MYOM2: variants seen among roughly 807,000 people sequenced by gnomAD.
MYOM2 encodes the protein myomesin 2, also known as myomesin-2.
In MYOM2, 254 loss-of-function variants were observed where a neutral mutation model predicts 187.6. The ratio of observed to expected loss-of-function variants is 1.35; its 90% CI spans 1.22 to 1.50. The LOEUF (loss-of-function observed/expected upper bound fraction) is 1.50, where lower values mean the gene tolerates loss of function less well. Ranked by LOEUF, MYOM2 falls within the 40% of genes most tolerant of loss-of-function variation. The pLI is 0.00. For missense variants in MYOM2, 2,796 were observed against 1,924.0 expected (o/e 1.45, Z -8.48); for synonymous variants, 981 against 753.8 (o/e 1.30, Z -4.94).
At chr8:2,140,241 C>T (rs969304351) in intron 32 of MYOM2, among the ~76,000 whole-genome samples, 1 of 152,186 alleles carries the variant, frequency 6.6e-6, no homozygotes, top group African/African-American at 2.4e-5. Context: ...GGATTTCCCT[C>T]ATGTATTTAT....
At chr8:2,048,166 G>C (rs1042891467) in intron 1 of MYOM2, among the ~76,000 whole-genome samples, 24 of 152,230 alleles carry the variant, frequency 1.6e-4, no homozygotes, top group Non-Finnish European at 1.5e-5. Flanking sequence ...TGACACATGA[G>C]CCCCTGCTGC....
Position 2,109,440 on chromosome 8 carries a change from G to T in MYOM2, c.3089G>T (p.Gly1030Val), listed in dbSNP as rs1343581637. 6.2e-7 allele frequency: 1 copy of T among 1,612,328 alleles called. No individual in the cohort carries two copies. Among genetic ancestry groups the T allele is most frequent in the African/African-American group, 1.3e-5 (1 of 74,860 alleles). ...TTAGCTTATGAGATTTTTGATAAGG[G>T]GCGGGTTCGCTTCTGGCTCCAGGCT... is the stretch of plus-strand genomic sequence containing the variant. ...SELAYEIFDKGRVRFWLQAEH... is the reference protein window; with the variant it reads ...SELAYEIFDKVRVRFWLQAEH... Residue 1030 changes from glycine to valine, a missense_variant, in exon 25 of 37, where the codon GGG becomes GTG. Physicochemically the swap from Gly to Val is moderately radical, Grantham distance 109 (BLOSUM62 -3). Coordinates refer to ENST00000262113, the MANE Select transcript of MYOM2 (RefSeq NM_003970.4).
At chr8:2,141,549 A>C (rs1055765485) in intron 34 of MYOM2, among the ~76,000 whole-genome samples, 2 of 152,202 alleles carry the variant, frequency 1.3e-5, no homozygotes, top group Non-Finnish European at 2.9e-5. Flanking sequence ...TCTTTTACAG[A>C]CTAAGGGTAT....
chr8:2,100,129 T>TTTCTTTCC (rs1796648961), intron 19 of MYOM2, among the ~76,000 whole-genome samples: 27 of 45,564 alleles, frequency 5.9e-4, no homozygotes, highest in African/African-American at 2.0e-3. Flanking sequence ...TCCTTCCTTC[T>TTTCTTTCC]TTCCTTCCTT....
chr8:2,087,278 C>T (rs146184948), intron 14 of MYOM2, among the ~76,000 whole-genome samples: 271 of 152,228 alleles, frequency 1.8e-3, no homozygotes, highest in African/African-American at 6.2e-3. Flanking sequence ...GAAGCTTATG[C>T]CACCTAATAC....
chr8:2,142,078 G>GAA (rs33965995), intron 34 of MYOM2, among the ~76,000 whole-genome samples: 69,070 of 148,426 alleles, frequency 0.47, 16,147 homozygotes, highest in Admixed American at 0.52. Context: ...GTGAATTTGT[G>GAA]AAAAAAAAAA....
intron 19 of MYOM2, 66 bp from the exon 20 acceptor site, chr8:2,100,810 G>A: frequency 1.3e-6 from 2 of 1,551,204 alleles, no homozygotes; most frequent in Non-Finnish European, 1.8e-6. Context: ...CCCCGGGGCT[G>A]GGTTGGGCGG....
intron 31 of MYOM2, among the ~76,000 whole-genome samples, chr8:2,128,201 G>C (rs949067356): frequency 3.9e-5 from 6 of 152,108 alleles, no homozygotes; most frequent in Non-Finnish European, 5.9e-5. Context: ...GCAAGCAAAG[G>C]CTCTTTCAGG....
chr8:2,047,698 T>G (rs1201897652), intron 1 of MYOM2, among the ~76,000 whole-genome samples: 1 of 152,190 alleles, frequency 6.6e-6, no homozygotes, highest in Non-Finnish European at 1.5e-5. Flanking sequence ...GGGATAAACG[T>G]GGCAAAGTGC....
chr8:2,062,162 G>T (rs997575628), intron 6 of MYOM2, among the ~76,000 whole-genome samples: 1 of 152,218 alleles, frequency 6.6e-6, no homozygotes, highest in Non-Finnish European at 1.5e-5. Context: ...CAGGGGACAA[G>T]CTGTCACAGG....
intron 10 of MYOM2, 52 bp downstream of exon 10, chr8:2,073,552 G>T (rs749475053): frequency 6.5e-7 from 1 of 1,534,004 alleles, no homozygotes; most frequent in Non-Finnish European, 8.7e-7. Context: ...CCCGGGGAGG[G>T]GAGGCAGCCC....
Position 2,084,445 on chromosome 8 carries a change from G to T in MYOM2, c.1517-818G>T, listed in dbSNP as rs913030957. Among the ~76,000 whole-genome samples the T allele has an allele frequency of 3.5e-4, 53 of 152,164 alleles. 1 individual carries two copies. The highest frequency in any genetic ancestry group is 8.8e-5 in the Non-Finnish European group (6 of 68,030). On this transcript the variant is annotated intron_variant, in intron 13 of 36. Coordinates refer to ENST00000262113, the MANE Select transcript of MYOM2 (RefSeq NM_003970.4). ...AATGGCTCAGAGATGTCCCGGGGAG[G>T]TTTCAGACCGTTTTAATCATGTGCT...
At chr8:2,136,936 C>A (rs1798096647) in intron 32 of MYOM2, among the ~76,000 whole-genome samples, 1 of 152,074 alleles carries the variant, frequency 6.6e-6, no homozygotes, top group Non-Finnish European at 1.5e-5. Context: ...GTGAATTTCA[C>A]CTGTTGGACA....
Position 2,088,587 on chromosome 8 carries a change from G to A in MYOM2, c.1645-1421G>A, listed in dbSNP as rs143341874. Among the ~76,000 whole-genome samples, 611 of 152,350 alleles carry A rather than the reference G, an allele frequency of 4.0e-3. 5 individuals carry two copies. Among genetic ancestry groups the A allele is most frequent in the African/African-American group, 0.014 (585 of 41,588 alleles). Reference sequence around the variant, plus strand: ...AGCCTCCAGCTGCACCCATGTGGCTGCACAGGACATGATTTCTTTCCTCTT... The same window carrying A: ...AGCCTCCAGCTGCACCCATGTGGCTACACAGGACATGATTTCTTTCCTCTT... On this transcript the variant is annotated intron_variant, in intron 14 of 36. Coordinates refer to ENST00000262113, the MANE Select transcript of MYOM2 (RefSeq NM_003970.4).
At chr8:2,103,859 G>A (rs1487233471) in intron 21 of MYOM2, among the ~76,000 whole-genome samples, 1 of 152,098 alleles carries the variant, frequency 6.6e-6, no homozygotes, top group East Asian at 1.9e-4. Context: ...GTGTATGTAT[G>A]TACAGGTATA....
chr8:2,081,129 C>T (rs1275547632), intron 13 of MYOM2, among the ~76,000 whole-genome samples: 1 of 98,524 alleles, frequency 1.0e-5, no homozygotes, highest in Non-Finnish European at 2.0e-5. Context: ...TTCTGGCCTG[C>T]GGGAGGAACA....
At chr8:2,066,999 G>T (rs6989246) in intron 6 of MYOM2, among the ~76,000 whole-genome samples, 19,381 of 152,216 alleles carry the variant, frequency 0.13, 1,341 homozygotes, top group East Asian at 0.19. Flanking sequence ...CTGGGCTCTG[G>T]TGTGTGATCT....
chr8:2,100,953 G>T lies in MYOM2; in HGVS notation c.2518G>T (p.Gly840Cys). Residue 840 changes from glycine (G) to cysteine (C), a missense_variant, in exon 20 of 37, where the codon GGC (glycine) becomes TGC (cysteine). Transcript: ENST00000262113. The stretch of plus-strand genomic sequence containing the variant: ...GCTGTGGAAGGCCCCTGTGTACTCC[G>T]GCAGCAGCCCTGTTTCTGGATATTT... The part of the protein sequence containing the change: ...VMLWKAPVYS[G>C]SSPVSGYFVD... 7 of 1,614,192 alleles carry T rather than the reference G, an allele frequency of 4.3e-6. No individual in the cohort carries two copies. The highest frequency in any genetic ancestry group is 5.9e-6 in the Non-Finnish European group (7 of 1,180,028).
At position 2,090,003 on chromosome 8, in the gene MYOM2, T is replaced by C; in HGVS notation, c.1645-5T>C. 1 of 1,613,304 alleles carries C rather than the reference T, an allele frequency of 6.2e-7. No homozygotes were observed. Among genetic ancestry groups the C allele is most frequent in the Non-Finnish European group, 8.5e-7 (1 of 1,179,552 alleles). ...TGCCAGTCTCGTTTCTGTTTCTCTTTGTAGTCCGTGGTGGGGAGCGGCAGC... is the reference window on the plus strand; with the variant it reads ...TGCCAGTCTCGTTTCTGTTTCTCTTCGTAGTCCGTGGTGGGGAGCGGCAGC... On this transcript the variant is annotated splice_region_variant and splice_polypyrimidine_tract_variant and intron_variant, in intron 14 of 36. Coordinates refer to ENST00000262113, the MANE Select transcript of MYOM2 (RefSeq NM_003970.4).
Sources: gnomAD v4.1 joint callset for allele counts (sites outside exome capture counted in the v4.1 genomes callset) on GRCh38, gnomAD v4.1.1 for gene constraint, MANE v1.5 for transcripts, NCBI Gene and HGNC (gene_info 2026-07-23, HGNC 2026-07-21) for gene names.